Variants in CACNA2D3 observed in about 807,000 individuals in gnomAD.
The protein encoded by CACNA2D3 is calcium voltage-gated channel auxiliary subunit alpha2delta 3.
Under a neutral mutation model 160.6 loss-of-function variants are expected in CACNA2D3, and 60 were observed. The observed-to-expected ratio is 0.37, with a 90% CI of 0.30 to 0.46. The LOEUF (loss-of-function observed/expected upper bound fraction) is 0.46. Among genes scored for constraint, CACNA2D3 ranks in the 20% least tolerant of loss-of-function variants. CACNA2D3 has a pLI of 1.00. For missense variants in CACNA2D3, 1,205 were observed against 1,365.0 expected (o/e 0.88, Z 1.85); for synonymous variants, 558 against 492.9 (o/e 1.13, Z -1.75).
At chr3:54,811,486 T>A (rs9851660) in intron 13 of CACNA2D3, among the ~76,000 whole-genome samples, 3,431 of 24,664 alleles carry the variant, frequency 0.14, 244 homozygotes, top group South Asian at 0.16. Context: ...TTTTTTTTTT[T>A]TTTTTTTTTT....
At chr3:54,728,490 G>A (rs1466555880) in intron 11 of CACNA2D3, among the ~76,000 whole-genome samples, 1 of 152,032 alleles carries the variant, frequency 6.6e-6, no homozygotes, top group Non-Finnish European at 1.5e-5. Flanking sequence ...TTTAGAGTCT[G>A]TGCCTGTCTG....
At position 54,301,220 on chromosome 3, in the gene CACNA2D3, G is replaced by C. The variant is rs920633973; in HGVS notation, c.205-19222G>C. ...TACAGTGAGTTATGACTGAGCCACT[G>C]CACTTCAGCTTGGGCAACAGAGCGA... is the stretch of plus-strand genomic sequence containing the variant. On this transcript the variant is annotated intron_variant, in intron 2 of 37. Coordinates refer to ENST00000474759, the MANE Select transcript of CACNA2D3 (RefSeq NM_018398.3). Among the ~76,000 whole-genome samples, 11 of 151,390 alleles carry C rather than the reference G, an allele frequency of 7.3e-5. 1 individual carries two copies. In the South Asian group the frequency reaches 8.4e-4, roughly 12 times the overall value.
intron 31 of CACNA2D3, 96 bp from the exon 32 acceptor site, chr3:55,004,667 C>A: frequency 1.3e-6 from 1 of 797,832 alleles, no homozygotes; most frequent in Non-Finnish European, 2.2e-6. Context: ...CACCGTTGCA[C>A]TTGATGATAG....
At chr3:54,682,371 A>C (rs185282325) in intron 11 of CACNA2D3, among the ~76,000 whole-genome samples, 7 of 152,318 alleles carry the variant, frequency 4.6e-5, no homozygotes, top group African/African-American at 1.7e-4. Context: ...TCACGCCTGT[A>C]ATCCCAGCAC....
At chr3:54,716,932 C>G (rs868544026) in intron 11 of CACNA2D3, among the ~76,000 whole-genome samples, 1 of 149,096 alleles carries the variant, frequency 6.7e-6, no homozygotes, top group Non-Finnish European at 1.5e-5. Context: ...TTAACAAGTT[C>G]CCTCTACCAT....
At chr3:54,134,127 T>C (rs145210391) in intron 2 of CACNA2D3, among the ~76,000 whole-genome samples, 7 of 152,246 alleles carry the variant, frequency 4.6e-5, no homozygotes, top group Non-Finnish European at 1.0e-4. Context: ...TTCTGTACAA[T>C]CGACAGCTAG....
intron 3 of CACNA2D3, chr3:54,385,992 C>A: frequency 2.0e-6 from 1 of 500,310 alleles, no homozygotes; most frequent in Non-Finnish European, 4.0e-6. Context: ...TAGGCAAAAT[C>A]AAATTAAAGT....
At chr3:54,502,918 C>A (rs1701316073) in intron 4 of CACNA2D3, among the ~76,000 whole-genome samples, 1 of 152,110 alleles carries the variant, frequency 6.6e-6, no homozygotes, top group Non-Finnish European at 1.5e-5. Context: ...AGGGCTTTTC[C>A]CTTGCTGTTC....
At chr3:54,250,742 A>G (rs1702172558) in intron 2 of CACNA2D3, among the ~76,000 whole-genome samples, 1 of 152,218 alleles carries the variant, frequency 6.6e-6, no homozygotes, top group Admixed American at 6.5e-5. Flanking sequence ...AAAGAACAAT[A>G]AATTCATTTT....
At position 54,636,350 on chromosome 3, in the gene CACNA2D3, A is replaced by G. The variant is rs145756799; in HGVS notation, c.1054-5778A>G. Among the ~76,000 whole-genome samples, 222 of 152,130 alleles carry G rather than the reference A, an allele frequency of 1.5e-3. 8 individuals carry two copies. The highest frequency in any genetic ancestry group is 5.1e-3 in the African/African-American group (213 of 41,400). On this transcript the variant is annotated intron_variant, in intron 10 of 37. Transcript: ENST00000474759. ...GTCGTGGGGGTCAGGTGTGGTATCA[A>G]GAATAATGTGGGAGGCCGGATTGAA...
chr3:54,570,270 T>C (rs1702474442), intron 8 of CACNA2D3, among the ~76,000 whole-genome samples, 166 bp downstream of exon 8: 1 of 152,144 alleles, frequency 6.6e-6, no homozygotes, highest in Admixed American at 6.6e-5. Context: ...TGGAAGGCAG[T>C]GGAAGGGCTT....
At chr3:55,025,725 T>C (rs535694858) in intron 35 of CACNA2D3, among the ~76,000 whole-genome samples, 4 of 150,756 alleles carry the variant, frequency 2.7e-5, no homozygotes, top group African/African-American at 9.7e-5. Flanking sequence ...TAATACCACG[T>C]TGGGTTGAAG....
rs79101669 is a variant in CACNA2D3, at chr3:54,247,956, C to T, written c.205-72486C>T. Among the ~76,000 whole-genome samples the T allele has an allele frequency of 1.0e-2, 1,520 of 152,184 alleles. 24 individuals are homozygous for T. The highest frequency in any genetic ancestry group is 0.046 in the East Asian group (236 of 5,176). On this transcript the variant is annotated intron_variant, in intron 2 of 37. Coordinates refer to ENST00000474759, the MANE Select transcript of CACNA2D3 (RefSeq NM_018398.3). ...TAATATTTGGTAAATAAAATATTCT[C>T]GAAAACACCTAGGAAATGTAACAGT...
chr3:54,647,612 GA>G (rs1306141996), intron 11 of CACNA2D3, among the ~76,000 whole-genome samples: 1 of 152,186 alleles, frequency 6.6e-6, no homozygotes, highest in Non-Finnish European at 1.5e-5. Context: ...TGGGTTCCAA[GA>G]AAGGGAAAGC....
intron 14 of CACNA2D3, among the ~76,000 whole-genome samples, chr3:54,831,685 G>T (rs1181025149): frequency 6.6e-6 from 1 of 152,148 alleles, no homozygotes; most frequent in Non-Finnish European, 1.5e-5. Flanking sequence ...CATCCATCTT[G>T]GGAATGTTGG....
Position 54,838,551 on chromosome 3 carries a change from A to G in CACNA2D3, c.1471-17A>G, listed in dbSNP as rs566948277. On this transcript the variant is annotated splice_polypyrimidine_tract_variant and intron_variant, in intron 15 of 37. Coordinates refer to ENST00000474759, the MANE Select transcript of CACNA2D3 (RefSeq NM_018398.3). The stretch of plus-strand genomic sequence containing the variant: ...GTTAACTTACTGTTATTATAATTCA[A>G]TGTTTATTTTCGACAGAGATCGAAG... 40 of 1,592,966 alleles carry G rather than the reference A, an allele frequency of 2.5e-5. No individual in the cohort carries two copies. The highest frequency in any genetic ancestry group is 1.1e-4 in the African/African-American group (8 of 74,656).
intron 17 of CACNA2D3, among the ~76,000 whole-genome samples, chr3:54,861,623 G>T (rs1277144703): frequency 6.6e-6 from 1 of 152,220 alleles, no homozygotes; most frequent in African/African-American, 2.4e-5. Flanking sequence ...TACAGGCAGG[G>T]AGACCGCTTA....
chr3:54,570,993 C>G (rs1702487209), intron 8 of CACNA2D3, among the ~76,000 whole-genome samples: 1 of 152,156 alleles, frequency 6.6e-6, no homozygotes, highest in Non-Finnish European at 1.5e-5. Context: ...GCTTGGTTCA[C>G]TGGTGCAGCT....
intron 34 of CACNA2D3, among the ~76,000 whole-genome samples, chr3:55,014,284 A>G (rs866608593): frequency 2.0e-5 from 3 of 151,274 alleles, no homozygotes; most frequent in Non-Finnish European, 4.4e-5. Context: ...GTGATGAGTC[A>G]CTCTCTGTGG....
Sources: allele counts gnomAD v4.1 joint callset (sites outside exome capture counted in the v4.1 genomes callset), GRCh38; gene constraint gnomAD v4.1.1; transcripts MANE v1.5; gene names NCBI Gene and HGNC (gene_info 2026-07-23, HGNC 2026-07-21).